Variants in TRAPPC9 observed in about 807,000 individuals in gnomAD.
TRAPPC9 encodes IKK2 binding protein.
A neutral mutation model predicts 124.0 loss-of-function variants in TRAPPC9; 83 were observed. The ratio of observed to expected loss-of-function variants is 0.67; its 90% CI spans 0.56 to 0.80. The LOEUF (loss-of-function observed/expected upper bound fraction) is 0.80, where lower values mean the gene tolerates loss of function less well. TRAPPC9 is among the 30% of genes least tolerant of loss of function. The pLI is 0.00. For synonymous variants in TRAPPC9, 638 were observed against 617.5 expected, an observed-to-expected ratio of 1.03 and a Z score of -0.49; for missense variants, 1,302 against 1,508.3, an observed-to-expected ratio of 0.86 and a Z score of 2.27.
intron 9 of TRAPPC9, among the ~76,000 whole-genome samples, chr8:140,322,697 A>T (rs1011279280): frequency 1.3e-5 from 2 of 151,944 alleles, no homozygotes; most frequent in African/African-American, 4.8e-5. Context: ...TTAACCAGGC[A>T]TGGTGGTGTG....
At chr8:139,791,572 C>T in intron 21 of TRAPPC9, among the ~76,000 whole-genome samples, 1 of 149,332 alleles carries the variant, frequency 6.7e-6, no homozygotes, top group East Asian at 2.0e-4. Flanking sequence ...CGCCCATCTC[C>T]CCTGCACAGA....
At chr8:140,132,435 C>T (rs978513503) in intron 17 of TRAPPC9, among the ~76,000 whole-genome samples, 8 of 152,252 alleles carry the variant, frequency 5.3e-5, no homozygotes, top group African/African-American at 1.9e-4. Context: ...TCACCCAAAC[C>T]TCAGCCTCAG....
At chr8:140,128,988 C>CACAT (rs753782700) in intron 17 of TRAPPC9, among the ~76,000 whole-genome samples, 13 of 134,838 alleles carry the variant, frequency 9.6e-5, no homozygotes, top group Non-Finnish European at 3.3e-5. Flanking sequence ...TATATATATA[C>CACAT]ATATATATAT....
intron 13 of TRAPPC9, among the ~76,000 whole-genome samples, chr8:140,286,252 G>A (rs920245972): frequency 2.6e-5 from 4 of 152,178 alleles, no homozygotes; most frequent in East Asian, 3.9e-4. Flanking sequence ...GGAGGGGAGA[G>A]GCAGAGAGGA....
At chr8:139,862,031 G>A (rs1175194610) in intron 21 of TRAPPC9, among the ~76,000 whole-genome samples, 1 of 152,232 alleles carries the variant, frequency 6.6e-6, no homozygotes, top group East Asian at 1.9e-4. Flanking sequence ...AGACCATCAG[G>A]TGCCTTTGCT....
intron 7 of TRAPPC9, among the ~76,000 whole-genome samples, chr8:140,379,421 T>G (rs1250528780): frequency 6.6e-6 from 1 of 152,188 alleles, no homozygotes; most frequent in East Asian, 1.9e-4. Flanking sequence ...TGTGTGTGGA[T>G]GGTTGTCAGG....
intron 15 of TRAPPC9, among the ~76,000 whole-genome samples, chr8:140,268,307 T>TC (rs1223045155): frequency 2.8e-5 from 4 of 144,904 alleles, no homozygotes; most frequent in African/African-American, 1.0e-4. Context: ...CTGCTCATAC[T>TC]CCCATGTCCT....
intron 4 of TRAPPC9, among the ~76,000 whole-genome samples, chr8:140,430,445 T>A (rs976798631): frequency 1.3e-5 from 2 of 152,074 alleles, no homozygotes; most frequent in Non-Finnish European, 2.9e-5. Flanking sequence ...AAGCTGGGCA[T>A]GTGAACCCCT....
At chr8:139,765,219 C>T (rs761158469) in intron 21 of TRAPPC9, among the ~76,000 whole-genome samples, 6 of 152,160 alleles carry the variant, frequency 3.9e-5, no homozygotes, top group East Asian at 1.9e-4. Flanking sequence ...CGCTCAGAGG[C>T]GGACCTCACC....
In TRAPPC9 at chr8:140,375,867, A is replaced by G. The variant is rs117787530; in HGVS notation, c.1135-4687T>C. Among the ~76,000 whole-genome samples, 83 of 152,342 alleles carry G rather than the reference A, an allele frequency of 5.4e-4. No homozygotes were observed. In the East Asian group the frequency reaches 0.015, roughly 28 times the overall value. ...AGGGGCAGCCTGGTGGCCGCACTCA[A>G]CTAAATGATGACCGTGGGAGAATGC... is the stretch of plus-strand genomic sequence containing the variant. On this transcript the variant is annotated intron_variant, in intron 7 of 22. Coordinates refer to ENST00000438773, the MANE Select transcript of TRAPPC9 (RefSeq NM_001160372.4).
intron 19 of TRAPPC9, among the ~76,000 whole-genome samples, chr8:139,977,133 G>C (rs886524904): frequency 6.6e-6 from 1 of 151,998 alleles, no homozygotes; most frequent in Non-Finnish European, 1.5e-5. Flanking sequence ...ATTTTGTTTC[G>C]AGCCATGCAG....
intron 2 of TRAPPC9, among the ~76,000 whole-genome samples, chr8:140,439,424 G>C (rs990885012): frequency 1.3e-5 from 2 of 152,136 alleles, no homozygotes; most frequent in Admixed American, 1.3e-4. Flanking sequence ...GGTACGTAAG[G>C]ACTTCTACCA....
chr8:139,954,511 T>C lies in TRAPPC9; in HGVS notation c.2810+34215A>G, dbSNP rs993570656. On this transcript the variant is annotated intron_variant, in intron 19 of 22. Transcript: ENST00000438773. Reference sequence around the variant, plus strand: ...CCTCTAGACCTGTGAGAAATAACTGTATGCAGTTTAAGCCACCCACCCAGT... The same window carrying C: ...CCTCTAGACCTGTGAGAAATAACTGCATGCAGTTTAAGCCACCCACCCAGT... 2.0e-5 allele frequency among the ~76,000 whole-genome samples: 3 copies of C among 152,206 alleles called. No individual in the cohort carries two copies. In the South Asian group the frequency reaches 6.2e-4, roughly 32 times the overall value.
At chr8:140,044,965 AAG>A (rs1841495758) in intron 17 of TRAPPC9, among the ~76,000 whole-genome samples, 1 of 152,224 alleles carries the variant, frequency 6.6e-6, no homozygotes, top group African/African-American at 2.4e-5. Context: ...AGGATTGGTG[AAG>A]AGTCAATAAG....
At chr8:140,410,301 T>A (rs985358956) in intron 5 of TRAPPC9, among the ~76,000 whole-genome samples, 1 of 151,964 alleles carries the variant, frequency 6.6e-6, no homozygotes, top group African/African-American at 2.4e-5. Flanking sequence ...TTTAGGAGGC[T>A]GCGGCAGACA....
chr8:140,124,418 T>C (rs2061044681), intron 17 of TRAPPC9, among the ~76,000 whole-genome samples: 1 of 152,216 alleles, frequency 6.6e-6, no homozygotes, highest in Non-Finnish European at 1.5e-5. Context: ...GTGATGACAC[T>C]GGGCCCATCT....
At chr8:139,979,876 C>T (rs1836771449) in intron 19 of TRAPPC9, among the ~76,000 whole-genome samples, 1 of 152,126 alleles carries the variant, frequency 6.6e-6, no homozygotes, top group Non-Finnish European at 1.5e-5. Context: ...GCAAGTGACG[C>T]CCTGACTCCT....
At position 140,379,102 on chromosome 8, in the gene TRAPPC9, C is replaced by CT. The variant is rs5895641; in HGVS notation, c.1135-7923dup. On this transcript the variant is annotated intron_variant, in intron 7 of 22. Coordinates refer to ENST00000438773, the MANE Select transcript of TRAPPC9 (RefSeq NM_001160372.4). Reference sequence around the variant, plus strand: ...TTCTTTCTTTTTAACTATTAACAGACTTTTTTTTTTTTTCATTAAAAAACA... The same window carrying CT: ...TTCTTTCTTTTTAACTATTAACAGACTTTTTTTTTTTTTTCATTAAAAAACA... Among the ~76,000 whole-genome samples, 555 of 145,302 alleles carry CT rather than the reference C, an allele frequency of 3.8e-3. 2 individuals carry two copies. The highest frequency in any genetic ancestry group is 0.01 in the East Asian group (51 of 5,014).
chr8:139,813,485 T>C lies in TRAPPC9; in HGVS notation c.3055+72394A>G, dbSNP rs375450727. Among the ~76,000 whole-genome samples the C allele has an allele frequency of 9.5e-4, 144 of 152,306 alleles. 1 individual carries two copies. The East Asian group carries it at 0.013, about 14-fold the overall frequency. On this transcript the variant is annotated intron_variant, in intron 21 of 22. Transcript: ENST00000438773. Reference sequence around the variant, plus strand: ...TGGCAGATGCCGCAGGAATGAGACTTGGTGCTGGTCTATGAGCCGAGAAGG... The same window carrying C: ...TGGCAGATGCCGCAGGAATGAGACTCGGTGCTGGTCTATGAGCCGAGAAGG...
Sources: gnomAD v4.1 joint callset for allele counts (sites outside exome capture counted in the v4.1 genomes callset) on GRCh38, gnomAD v4.1.1 for gene constraint, MANE v1.5 for transcripts, NCBI Gene and HGNC (gene_info 2026-07-23, HGNC 2026-07-21) for gene names.